DNAJC1: variants seen among roughly 807,000 people sequenced by gnomAD.
DNAJC1 encodes DnaJ heat shock protein family (Hsp40) member C1.
A neutral mutation model predicts 76.6 loss-of-function variants in DNAJC1; 58 were observed. The observed-to-expected ratio is 0.76, with a 90% CI of 0.61 to 0.94. DNAJC1 has a LOEUF of 0.94. Among genes scored for constraint, DNAJC1 ranks in the 40% least tolerant of loss-of-function variants. The pLI, the probability that DNAJC1 is intolerant of heterozygous loss-of-function variation, is 0.00. For missense variants in DNAJC1, 689 were observed against 677.3 expected (o/e 1.02, Z -0.19); for synonymous variants, 258 against 267.9 (o/e 0.96, Z 0.36).
chr10:21,825,709 T>C (rs1835237186), intron 8 of DNAJC1, among the ~76,000 whole-genome samples: 1 of 152,248 alleles, frequency 6.6e-6, no homozygotes, highest in Non-Finnish European at 1.5e-5. Context: ...TTGTTATTGT[T>C]ATAGCAATTC....
intron 6 of DNAJC1, among the ~76,000 whole-genome samples, chr10:21,909,986 A>G (rs1265221531): frequency 1.3e-5 from 2 of 152,252 alleles, no homozygotes; most frequent in East Asian, 3.8e-4. Flanking sequence ...TATGGAGAAC[A>G]TACAATGAGA....
chr10:21,897,762 C>T (rs925113435), intron 7 of DNAJC1, among the ~76,000 whole-genome samples: 3 of 152,198 alleles, frequency 2.0e-5, no homozygotes, highest in Non-Finnish European at 4.4e-5. Flanking sequence ...CTACAGCTTA[C>T]ATCATACTTA....
chr10:21,806,189 T>G, intron 8 of DNAJC1, 90 bp from the exon 9 acceptor site: 2 of 1,390,274 alleles, frequency 1.4e-6, no homozygotes, highest in Non-Finnish European at 1.9e-6. Flanking sequence ...GAGAGATAAT[T>G]GCTGTGAAGC....
At chr10:21,904,849 G>C (rs542818538) in intron 6 of DNAJC1, among the ~76,000 whole-genome samples, 2 of 152,046 alleles carry the variant, frequency 1.3e-5, no homozygotes, top group Non-Finnish European at 2.9e-5. Context: ...TCTCAGATAT[G>C]GAAAGGAGGT....
intron 1 of DNAJC1, among the ~76,000 whole-genome samples, chr10:21,941,940 G>A (rs905392118): frequency 2.0e-5 from 3 of 151,930 alleles, no homozygotes; most frequent in African/African-American, 7.2e-5. Context: ...TAACAGAAAA[G>A]CATATAAAAA....
intron 1 of DNAJC1, among the ~76,000 whole-genome samples, chr10:21,963,492 T>C (rs967788519): frequency 6.6e-6 from 1 of 152,230 alleles, no homozygotes; most frequent in Non-Finnish European, 1.5e-5. Flanking sequence ...AGCTGAAGGT[T>C]TGAACAAGTT....
chr10:21,914,986 C>T (rs903595588), intron 6 of DNAJC1, among the ~76,000 whole-genome samples: 2 of 152,128 alleles, frequency 1.3e-5, no homozygotes, highest in African/African-American at 4.8e-5. Context: ...TATTTAAATT[C>T]ATGTGTTATA....
At chr10:21,931,611 T>C (rs1310353598) in intron 1 of DNAJC1, among the ~76,000 whole-genome samples, 1 of 152,202 alleles carries the variant, frequency 6.6e-6, no homozygotes, top group Non-Finnish European at 1.5e-5. Context: ...GGGAAGGCAG[T>C]GAGAACAACT....
chr10:21,998,334 G>A (rs1246005729), intron 1 of DNAJC1, among the ~76,000 whole-genome samples: 1 of 141,444 alleles, frequency 7.1e-6, no homozygotes, highest in Non-Finnish European at 1.5e-5. Flanking sequence ...AGGTTGCAAT[G>A]AGCCAAGATC....
chr10:21,870,886 C>T (rs1265391849), intron 8 of DNAJC1, among the ~76,000 whole-genome samples: 1 of 152,022 alleles, frequency 6.6e-6, no homozygotes, highest in Non-Finnish European at 1.5e-5. Context: ...TTAATTTATT[C>T]TAGTCCTACC....
chr10:21,759,058 C>T lies in DNAJC1; in HGVS notation c.1596+112G>A, dbSNP rs529026648. On this transcript the variant is annotated intron_variant, in intron 11 of 11. Coordinates refer to ENST00000376980, the MANE Select transcript of DNAJC1 (RefSeq NM_022365.4). ...AAGATAAATGGGAAAGAAGAAATCA[C>T]GGGGCAGGTGTCAGTAGATAGGAAT... 42 of 1,054,620 alleles carry T rather than the reference C, an allele frequency of 4.0e-5. No homozygotes were observed. In the South Asian group the frequency reaches 5.6e-4, roughly 14 times the overall value. 65.3% of individuals were successfully genotyped at this position (1,054,620 alleles called of 1,614,324 possible).
rs559506275 is a variant in DNAJC1 at position 21,966,892 on chromosome 10, G to T, written c.222+36321C>A. Among the ~76,000 whole-genome samples the T allele has an allele frequency of 3.3e-5, 5 of 151,924 alleles. 1 individual carries two copies. The highest frequency in any genetic ancestry group is 1.2e-4 in the African/African-American group (5 of 41,464). On this transcript the variant is annotated intron_variant, in intron 1 of 11. Coordinates refer to ENST00000376980, the MANE Select transcript of DNAJC1 (RefSeq NM_022365.4). ...GGTAGATACAGCATTTCACCACGTT[G>T]CCCAGGCTGGTCTCGAACTCCTGAC...
chr10:21,796,956 T>C (rs1255513167), intron 9 of DNAJC1, among the ~76,000 whole-genome samples: 1 of 152,196 alleles, frequency 6.6e-6, no homozygotes, highest in Non-Finnish European at 1.5e-5. Context: ...TTTGATATAG[T>C]CCCACTTCTT....
intron 7 of DNAJC1, among the ~76,000 whole-genome samples, chr10:21,887,083 T>G (rs1312502634): frequency 2.0e-4 from 30 of 152,134 alleles, no homozygotes; most frequent in Admixed American, 2.0e-3. Context: ...CTAGCATTCC[T>G]ATACTCCAAC....
At chr10:21,778,250 C>A (rs554436112) in intron 9 of DNAJC1, among the ~76,000 whole-genome samples, 3 of 152,042 alleles carry the variant, frequency 2.0e-5, no homozygotes, top group South Asian at 2.1e-4. Context: ...AAGCTCAGAG[C>A]AATATGAGGA....
intron 7 of DNAJC1, among the ~76,000 whole-genome samples, chr10:21,889,265 A>C (rs1836421263): frequency 6.6e-6 from 1 of 152,162 alleles, no homozygotes; most frequent in Non-Finnish European, 1.5e-5. Context: ...ATGAGAACTC[A>C]CTGTCTCAAG....
intron 2 of DNAJC1, 143 bp from the exon 3 acceptor site, chr10:21,928,695 A>G (rs2131779633): frequency 1.5e-6 from 1 of 646,022 alleles, no homozygotes; most frequent in East Asian, 2.7e-5. Context: ...TTTATAAGTA[A>G]CACTATGTTT....
chr10:21,987,220 T>C (rs1173950062), intron 1 of DNAJC1, among the ~76,000 whole-genome samples: 1 of 152,214 alleles, frequency 6.6e-6, no homozygotes, highest in Admixed American at 6.5e-5. Flanking sequence ...TTAAGTGAGT[T>C]AAAATCAAAT....
At chr10:21,906,693 A>AGAT (rs1554895830) in intron 6 of DNAJC1, among the ~76,000 whole-genome samples, 1 of 152,190 alleles carries the variant, frequency 6.6e-6, no homozygotes, top group Non-Finnish European at 1.5e-5. Flanking sequence ...CAGCTCTGCC[A>AGAT]TCTTACTAGC....
Sources: gnomAD v4.1 joint callset for allele counts (sites outside exome capture counted in the v4.1 genomes callset) on GRCh38, gnomAD v4.1.1 for gene constraint, MANE v1.5 for transcripts, NCBI Gene and HGNC (gene_info 2026-07-23, HGNC 2026-07-21) for gene names.